Variants in NRG1 observed in about 807,000 individuals in gnomAD.
NRG1 encodes pro-neuregulin-1, membrane-bound isoform.
In NRG1, 18 loss-of-function variants were observed where a neutral mutation model predicts 63.8. The observed-to-expected ratio is 0.28, with a 90% CI of 0.19 to 0.42. NRG1 has a LOEUF of 0.42. Ranked by LOEUF, NRG1 falls within the 10% of genes least tolerant of loss-of-function variation. The pLI, the probability that NRG1 is intolerant of heterozygous loss-of-function variation, is 1.00. For missense variants in NRG1, 762 were observed against 814.7 expected, an observed-to-expected ratio of 0.94 and a Z score of 0.79; for synonymous variants, 302 against 301.3, an observed-to-expected ratio of 1.00 and a Z score of -0.02.
chr8:32,615,735 T>G lies in NRG1; in HGVS notation c.452-1100T>G, dbSNP rs547645264. Among the ~76,000 whole-genome samples the G allele has an allele frequency of 1.9e-4, 29 of 152,198 alleles. No individual in the cohort carries two copies. The East Asian group carries it at 5.6e-3, about 29-fold the overall frequency. ...TAAACATCTCTGTATCCTAGACTAC[T>G]TTAGCTATATTTAGGACATATTCAT... On this transcript the variant is annotated intron_variant, in intron 4 of 11. Transcript: ENST00000356819.
intron 1 of NRG1, among the ~76,000 whole-genome samples, chr8:32,125,621 T>C (rs963009978): frequency 2.0e-5 from 3 of 151,944 alleles, no homozygotes; most frequent in African/African-American, 4.8e-5. Context: ...CCAGCCTCTC[T>C]GCTTCTACCT....
chr8:31,642,180 AG>A (rs1315292469), intron 1 of NRG1, among the ~76,000 whole-genome samples: 1 of 152,184 alleles, frequency 6.6e-6, no homozygotes, highest in Non-Finnish European at 1.5e-5. Context: ...CTGTCTTATT[AG>A]GCAACCGAAA....
intron 1 of NRG1, among the ~76,000 whole-genome samples, chr8:32,101,427 C>T (rs902949028): frequency 1.3e-5 from 2 of 148,600 alleles, no homozygotes; most frequent in South Asian, 2.1e-4. Context: ...CCTTAAAGAA[C>T]GAGAAGGAGG....
At chr8:32,299,085 CT>C (rs1157296045) in intron 1 of NRG1, among the ~76,000 whole-genome samples, 1 of 150,570 alleles carries the variant, frequency 6.6e-6, no homozygotes, top group East Asian at 2.0e-4. Flanking sequence ...AAATTCTTAC[CT>C]ACCAGAGTTA....
chr8:32,251,105 T>C (rs1318567993), intron 1 of NRG1, among the ~76,000 whole-genome samples: 1 of 152,010 alleles, frequency 6.6e-6, no homozygotes, highest in Non-Finnish European at 1.5e-5. Flanking sequence ...ATGTGCAGAA[T>C]GTGCAGGTTT....
At chr8:31,952,602 A>G (rs1369996359) in intron 1 of NRG1, among the ~76,000 whole-genome samples, 1 of 152,210 alleles carries the variant, frequency 6.6e-6, no homozygotes, top group East Asian at 1.9e-4. Flanking sequence ...CTAACAAACA[A>G]CTGTTACATT....
At chr8:32,306,641 G>A (rs1364533147) in intron 1 of NRG1, among the ~76,000 whole-genome samples, 1 of 152,136 alleles carries the variant, frequency 6.6e-6, no homozygotes, top group Non-Finnish European at 1.5e-5. Context: ...TTATGAATCT[G>A]CCTCTCAAAA....
chr8:32,363,149 C>T (rs1481093918), intron 1 of NRG1, among the ~76,000 whole-genome samples: 1 of 152,168 alleles, frequency 6.6e-6, no homozygotes, highest in Non-Finnish European at 1.5e-5. Flanking sequence ...TACTGTAAAA[C>T]TGTCTTCGCA....
chr8:31,930,133 A>G (rs1285307970), intron 1 of NRG1, among the ~76,000 whole-genome samples: 1 of 150,556 alleles, frequency 6.6e-6, no homozygotes, highest in Non-Finnish European at 1.5e-5. Flanking sequence ...GATTCTTTTG[A>G]GTATGATTAG....
chr8:31,854,960 C>A (rs1052297566), intron 1 of NRG1, among the ~76,000 whole-genome samples: 2 of 152,170 alleles, frequency 1.3e-5, no homozygotes, highest in African/African-American at 4.8e-5. Flanking sequence ...AGTTTGATTG[C>A]ACTGTGATCT....
rs1844469568 is a variant in NRG1, at chr8:32,602,119, T to C, written c.279-3443T>C. On this transcript the variant is annotated intron_variant, in intron 2 of 11. Transcript: ENST00000356819. ...CCAAGGGTGTTCTCCATAGAAAAGA[T>C]TCCATGGCCACATGTCATGGCTGCC... 2.0e-5 allele frequency among the ~76,000 whole-genome samples: 3 copies of C among 152,166 alleles called. No individual in the cohort carries two copies. The South Asian group carries it at 6.2e-4, about 31-fold the overall frequency.
intron 1 of NRG1, among the ~76,000 whole-genome samples, chr8:32,007,707 T>G (rs1202205555): frequency 2.0e-5 from 3 of 152,100 alleles, no homozygotes; most frequent in Non-Finnish European, 4.4e-5. Flanking sequence ...CTATAGGGTT[T>G]GCCCTCAGAT....
chr8:32,609,548 CTCCCTCCTTCCTTCCT>C (rs1323503696), intron 3 of NRG1, among the ~76,000 whole-genome samples: 11 of 130,614 alleles, frequency 8.4e-5, no homozygotes, highest in African/African-American at 1.2e-4. Context: ...ATTTCCTTCC[CTCCCTCCTTCCTTCCT>C]TCCTTCCTTC....
chr8:32,507,681 A>G (rs1026924604), intron 1 of NRG1, among the ~76,000 whole-genome samples: 6 of 152,178 alleles, frequency 3.9e-5, no homozygotes, highest in Non-Finnish European at 7.3e-5. Context: ...ACTTGGTAGT[A>G]CTTATTAATC....
intron 1 of NRG1, among the ~76,000 whole-genome samples, chr8:32,158,448 G>GATAGATAGATAT (rs1491221971): frequency 1.6e-5 from 1 of 62,184 alleles, no homozygotes; most frequent in Non-Finnish European, 3.9e-5. Context: ...TGGTTTACAT[G>GATAGATAGATAT]ATATATATAT....
intron 1 of NRG1, among the ~76,000 whole-genome samples, chr8:31,701,153 G>A (rs907853328): frequency 1.3e-5 from 2 of 152,110 alleles, no homozygotes; most frequent in African/African-American, 4.8e-5. Flanking sequence ...ATTACATGTA[G>A]TGAGAGCATA....
At chr8:32,171,282 T>C (rs1840002576) in intron 1 of NRG1, 1 of 152,160 alleles carries the variant, frequency 6.6e-6, no homozygotes, top group Non-Finnish European at 1.5e-5. Flanking sequence ...AACATGCAGG[T>C]TTGTTACATT....
At chr8:32,287,450 C>G (rs1383440514) in intron 1 of NRG1, 1 of 152,224 alleles carries the variant, frequency 6.6e-6, no homozygotes, top group Non-Finnish European at 1.5e-5. Flanking sequence ...ACCTTCTGCT[C>G]TAATGAGTTT....
chr8:32,206,865 C>T (rs1844122291), intron 1 of NRG1, among the ~76,000 whole-genome samples: 1 of 152,180 alleles, frequency 6.6e-6, no homozygotes. Flanking sequence ...TTAGCAGCCA[C>T]TTATAAGTGA....
Sources: allele counts gnomAD v4.1 joint callset (sites outside exome capture counted in the v4.1 genomes callset), GRCh38; gene constraint gnomAD v4.1.1; transcripts MANE v1.5; gene names NCBI Gene and HGNC (gene_info 2026-07-23, HGNC 2026-07-21).